ATP8A2: variants seen among roughly 807,000 people sequenced by gnomAD.
ATP8A2 encodes the protein phospholipid-transporting ATPase IB.
A neutral mutation model predicts 165.6 loss-of-function variants in ATP8A2; 100 were observed. The ratio of observed to expected loss-of-function variants is 0.60; its 90% CI spans 0.51 to 0.71. The LOEUF (loss-of-function observed/expected upper bound fraction) is 0.71, where lower values mean the gene tolerates loss of function less well. ATP8A2 is among the 30% of genes least tolerant of loss of function. ATP8A2 has a pLI of 0.00. For synonymous variants in ATP8A2, 543 were observed against 548.8 expected, an observed-to-expected ratio of 0.99 and a Z score of 0.15; for missense variants, 1,227 against 1,479.5, an observed-to-expected ratio of 0.83 and a Z score of 2.80.
intron 16 of ATP8A2, among the ~76,000 whole-genome samples, chr13:25,568,295 T>C (rs553726617): frequency 6.6e-6 from 1 of 152,326 alleles, no homozygotes; most frequent in Admixed American, 6.5e-5. Flanking sequence ...GATATAACTT[T>C]CTTTTGAATC....
At chr13:25,896,881 G>T (rs1425562091) in intron 33 of ATP8A2, among the ~76,000 whole-genome samples, 3 of 151,994 alleles carry the variant, frequency 2.0e-5, no homozygotes, top group Admixed American at 2.0e-4. Context: ...TTTTCCATTT[G>T]CTTGGTAGAT....
Position 25,474,971 on chromosome 13 carries a change from CA to C in ATP8A2, c.221+5851del, listed in dbSNP as rs1452326243. Among the ~76,000 whole-genome samples, 9 of 152,174 alleles carry C rather than the reference CA, an allele frequency of 5.9e-5. No homozygotes were observed. The East Asian group carries it at 1.7e-3, about 30-fold the overall frequency. On this transcript the variant is annotated intron_variant, in intron 2 of 36. Transcript: ENST00000381655. Reference sequence around the variant, plus strand: ...AGTAGCTAGGATTACAGGCATGTGCCACCATGCCTGGCTAATTTTTGTATTT... The same window carrying C: ...AGTAGCTAGGATTACAGGCATGTGCCCCATGCCTGGCTAATTTTTGTATTT...
intron 13 of ATP8A2, among the ~76,000 whole-genome samples, chr13:25,558,111 A>G (rs1231035929): frequency 3.3e-5 from 5 of 152,210 alleles, no homozygotes; most frequent in Non-Finnish European, 7.3e-5. Flanking sequence ...CATGTTGGCC[A>G]GGCTGGTCTC....
intron 25 of ATP8A2, among the ~76,000 whole-genome samples, chr13:25,729,249 T>C (rs552470206): frequency 6.6e-6 from 1 of 152,372 alleles, no homozygotes; most frequent in East Asian, 1.9e-4. Flanking sequence ...TACTTAGTTA[T>C]TACCTTGTAA....
intron 34 of ATP8A2, 53 bp downstream of exon 34, chr13:25,961,716 A>G: frequency 7.3e-7 from 1 of 1,363,416 alleles, no homozygotes; most frequent in Non-Finnish European, 1.1e-6. Context: ...TGTCCCTGGA[A>G]TTGTCTTTCT....
intron 29 of ATP8A2, 68 bp from the exon 30 acceptor site, chr13:25,839,478 T>G: frequency 9.3e-7 from 1 of 1,076,786 alleles, no homozygotes; most frequent in Non-Finnish European, 1.4e-6. Flanking sequence ...ATGTGGCGTT[T>G]GTTGAGAGTT....
At chr13:25,847,722 A>T (rs942151666) in intron 30 of ATP8A2, among the ~76,000 whole-genome samples, 1 of 152,064 alleles carries the variant, frequency 6.6e-6, no homozygotes, top group African/African-American at 2.4e-5. Flanking sequence ...TATTTTCCAT[A>T]TTCCTGATGC....
chr13:25,767,024 G>A (rs2044505476), intron 25 of ATP8A2, among the ~76,000 whole-genome samples: 1 of 152,154 alleles, frequency 6.6e-6, no homozygotes, highest in East Asian at 1.9e-4. Context: ...TCAATGTGTG[G>A]TGCACAGGAA....
chr13:25,572,662 G>A (rs1054114171), intron 18 of ATP8A2, among the ~76,000 whole-genome samples: 1 of 152,188 alleles, frequency 6.6e-6, no homozygotes, highest in African/African-American at 2.4e-5. Flanking sequence ...ATGATGACCA[G>A]TTAGAAGGGC....
At chr13:25,764,633 C>T (rs564926413) in intron 25 of ATP8A2, among the ~76,000 whole-genome samples, 1 of 152,214 alleles carries the variant, frequency 6.6e-6, no homozygotes, top group African/African-American at 2.4e-5. Context: ...GACAATCCCT[C>T]TGGGTGATTC....
At chr13:25,550,178 C>A (rs1262435711) in intron 10 of ATP8A2, among the ~76,000 whole-genome samples, 2 of 151,934 alleles carry the variant, frequency 1.3e-5, no homozygotes, top group Non-Finnish European at 1.5e-5. Flanking sequence ...TGATGGTGGG[C>A]GCCTGTAGTC....
At chr13:25,956,688 A>T (rs1266880060) in intron 33 of ATP8A2, among the ~76,000 whole-genome samples, 1 of 152,250 alleles carries the variant, frequency 6.6e-6, no homozygotes, top group African/African-American at 2.4e-5. Context: ...GAAAATGGCC[A>T]TACTGCCAAA....
chr13:25,593,885 G>A (rs2040162321), intron 24 of ATP8A2, among the ~76,000 whole-genome samples: 1 of 152,192 alleles, frequency 6.6e-6, no homozygotes, highest in East Asian at 1.9e-4. Flanking sequence ...TAAGTGAATT[G>A]AGGATAACAA....
Position 25,757,564 on chromosome 13 carries a change from G to A in ATP8A2, c.2385-11482G>A, listed in dbSNP as rs149926760. On this transcript the variant is annotated intron_variant, in intron 25 of 36. Coordinates refer to ENST00000381655, the MANE Select transcript of ATP8A2 (RefSeq NM_016529.6). ...AAGAGAGGGTGTTCTCTGCCAAGCT[G>A]CTTGCTACTCCACTGCCTTAACCTC... Among the ~76,000 whole-genome samples, 542 of 152,148 alleles carry A rather than the reference G, an allele frequency of 3.6e-3. 2 individuals are homozygous for A. Among genetic ancestry groups the A allele is most frequent in the Non-Finnish European group, 5.7e-3 (391 of 68,012 alleles).
chr13:25,624,601 A>G (rs2041056053), intron 24 of ATP8A2, among the ~76,000 whole-genome samples: 1 of 152,220 alleles, frequency 6.6e-6, no homozygotes, highest in Non-Finnish European at 1.5e-5. Flanking sequence ...TCCCAAGCAC[A>G]AATTACAGTA....
chr13:25,819,401 A>G (rs1375760056), intron 27 of ATP8A2, among the ~76,000 whole-genome samples: 1 of 152,172 alleles, frequency 6.6e-6, no homozygotes, highest in African/African-American at 2.4e-5. Context: ...AAGATTCTCT[A>G]GGGTGTCTTA....
At chr13:25,976,001 T>C (rs1242376496) in intron 35 of ATP8A2, among the ~76,000 whole-genome samples, 1 of 152,192 alleles carries the variant, frequency 6.6e-6, no homozygotes, top group Non-Finnish European at 1.5e-5. Flanking sequence ...GATTGATTTG[T>C]GTTAGGATCT....
chr13:25,966,118 G>A (rs921076578), intron 34 of ATP8A2, among the ~76,000 whole-genome samples: 3 of 151,598 alleles, frequency 2.0e-5, no homozygotes, highest in African/African-American at 7.3e-5. Context: ...ACACCCTTAG[G>A]TATATCTGAA....
At position 25,849,134 on chromosome 13, in the gene ATP8A2, T is replaced by C. The variant is rs529653381; in HGVS notation, c.2956+9510T>C. ...GCAGGAGAAACTTGGTATCTGCTCTTGGACAAAAATGTCTTGGCAGATGTC... is the reference window on the plus strand; with the variant it reads ...GCAGGAGAAACTTGGTATCTGCTCTCGGACAAAAATGTCTTGGCAGATGTC... On this transcript the variant is annotated intron_variant, in intron 30 of 36. Transcript: ENST00000381655. 2.0e-5 allele frequency among the ~76,000 whole-genome samples: 3 copies of C among 152,144 alleles called. No individual in the cohort carries two copies. In the South Asian group the frequency reaches 6.2e-4, roughly 32 times the overall value.
Sources: gnomAD v4.1 joint callset for allele counts (sites outside exome capture counted in the v4.1 genomes callset) on GRCh38, gnomAD v4.1.1 for gene constraint, MANE v1.5 for transcripts, NCBI Gene and HGNC (gene_info 2026-07-23, HGNC 2026-07-21) for gene names.